The following NUGGC variants were observed in gnomAD, a reference collection of about 807,000 sequenced individuals.
NUGGC encodes the protein nuclear GTPase SLIP-GC.
Under a neutral mutation model 92.6 loss-of-function variants are expected in NUGGC, and 58 were observed. The observed-to-expected ratio is 0.63, with a 90% CI of 0.51 to 0.78. The LOEUF is 0.78. Among genes scored for constraint, NUGGC ranks in the 30% least tolerant of loss-of-function variants. The pLI is 0.00. For missense variants in NUGGC, 925 were observed against 964.6 expected (o/e 0.96, Z 0.54); for synonymous variants, 376 against 366.4 (o/e 1.03, Z -0.30).
chr8:28,027,267 T>C (rs988436820), intron 17 of NUGGC, among the ~76,000 whole-genome samples: 3 of 152,206 alleles, frequency 2.0e-5, no homozygotes, highest in Non-Finnish European at 4.4e-5. Flanking sequence ...GGCTCCCATC[T>C]GTACAGCATC....
chr8:28,025,943 T>G (rs1167323852), intron 18 of NUGGC, among the ~76,000 whole-genome samples: 1 of 152,218 alleles, frequency 6.6e-6, no homozygotes, highest in Non-Finnish European at 1.5e-5. Context: ...GTACTGCCAG[T>G]GTTCTATGTA....
chr8:28,067,941 C>A (rs185452546), intron 5 of NUGGC, among the ~76,000 whole-genome samples, 197 bp from the exon 6 acceptor site: 267 of 152,328 alleles, frequency 1.8e-3, no homozygotes, highest in African/African-American at 6.2e-3. Context: ...TAGACCCCCT[C>A]CCCAGCTCAC....
intron 8 of NUGGC, among the ~76,000 whole-genome samples, chr8:28,059,210 T>C (rs1810229190): frequency 6.6e-6 from 1 of 152,146 alleles, no homozygotes; most frequent in Non-Finnish European, 1.5e-5. Flanking sequence ...AAAGGAGCTC[T>C]TGTTGGAGGT....
At chr8:28,028,650 G>A (rs1485730234) in intron 17 of NUGGC, among the ~76,000 whole-genome samples, 1 of 152,170 alleles carries the variant, frequency 6.6e-6, no homozygotes, top group Non-Finnish European at 1.5e-5. Flanking sequence ...ATGAGGCCCA[G>A]AGCAGAGGCA....
chr8:28,059,848 C>T (rs1186265697), intron 8 of NUGGC, among the ~76,000 whole-genome samples: 1 of 152,010 alleles, frequency 6.6e-6, no homozygotes, highest in African/African-American at 2.4e-5. Flanking sequence ...ATGGCGAAAC[C>T]CCATCTCTAC....
chr8:28,031,521 GC>G, intron 14 of NUGGC, 140 bp from the exon 15 acceptor site: 1 of 802,862 alleles, frequency 1.2e-6, no homozygotes, highest in Non-Finnish European at 2.0e-6. Context: ...CCTATAATGT[GC>G]CAGGCACTGT....
intron 3 of NUGGC, 188 bp downstream of exon 3, chr8:28,070,064 C>G (rs1386898957): frequency 1.0e-6 from 1 of 978,632 alleles, no homozygotes; most frequent in African/African-American, 1.8e-5. Context: ...AACCCTCCTG[C>G]CCACAGATGC....
rs368713059 is a variant in NUGGC at position 28,031,278 on chromosome 8, A to G, written c.1873T>C (p.Tyr625His). ...TEIGIRSGWK[Y>H]DSCKKNFLIQ... ...AGGAAATTTTTTTTGCAGCTATCAT[A>G]TTTCCAGCCACTTCTTATCCCAATT... is the stretch of plus-strand genomic sequence containing the variant. Residue 625 changes from tyrosine (Y) to histidine (H), a missense_variant, in exon 15 of 19, where the codon TAT (tyrosine) becomes CAT (histidine). Coordinates refer to ENST00000413272, the MANE Select transcript of NUGGC (RefSeq NM_001010906.2). The G allele has an allele frequency of 3.7e-6, 6 of 1,614,008 alleles. No individual in the cohort carries two copies. Among genetic ancestry groups the G allele is most frequent in the Non-Finnish European group, 5.1e-6 (6 of 1,179,882 alleles).
chr8:28,041,265 C>A (rs1160035441), intron 12 of NUGGC, 50 bp from the exon 13 acceptor site: 6 of 1,545,916 alleles, frequency 3.9e-6, no homozygotes, highest in Middle Eastern at 1.7e-4. Context: ...CCTAAGGGCA[C>A]CTTCTCCTGA....
chr8:28,027,570 C>T (rs1462026057), intron 17 of NUGGC, among the ~76,000 whole-genome samples: 2 of 152,212 alleles, frequency 1.3e-5, no homozygotes, highest in African/African-American at 2.4e-5. Flanking sequence ...TCAACTAAAA[C>T]CCCTTTCTTC....
chr8:28,032,920 G>C (rs952071113), intron 14 of NUGGC, among the ~76,000 whole-genome samples: 2 of 152,118 alleles, frequency 1.3e-5, no homozygotes, highest in African/African-American at 4.8e-5. Flanking sequence ...AGCACTTTGG[G>C]AGGACGATGG....
intron 9 of NUGGC, 54 bp downstream of exon 9, chr8:28,058,204 A>C: frequency 3.1e-6 from 1 of 323,604 alleles, no homozygotes. Context: ...AAAAATAAAA[A>C]ATAAATAGAT....
chr8:28,077,964 G>A (rs780293981), intron 1 of NUGGC, among the ~76,000 whole-genome samples: 1 of 152,178 alleles, frequency 6.6e-6, no homozygotes, highest in Non-Finnish European at 1.5e-5. Context: ...TCTGGAATAC[G>A]GGTAGTAGTT....
intron 14 of NUGGC, 33 bp downstream of exon 14, chr8:28,033,507 G>T: frequency 1.3e-6 from 2 of 1,597,848 alleles, no homozygotes; most frequent in Admixed American, 1.7e-5. Flanking sequence ...TCCGATGTTT[G>T]TTCCCGAAGG....
chr8:28,024,488 A>G (rs1407105329), intron 18 of NUGGC, among the ~76,000 whole-genome samples: 1 of 151,972 alleles, frequency 6.6e-6, no homozygotes, highest in East Asian at 1.9e-4. Context: ...AGCCTCCACC[A>G]TCGTGTGGGC....
Position 28,027,053 on chromosome 8 carries a change from C to A in NUGGC, c.2155-1G>T, listed in dbSNP as rs755661057. On this transcript the variant is annotated splice_acceptor_variant, in intron 17 of 18. Transcript: ENST00000413272. LOFTEE classifies it high-confidence loss of function. ...CCTTCACCTTCTCCACGATTCCAGT[C>A]TATGCAACAAGGACATTCAGTCTGT... is the stretch of plus-strand genomic sequence containing the variant. 6.2e-7 allele frequency: 1 copy of A among 1,610,330 alleles called. No individual in the cohort carries two copies. The highest frequency in any genetic ancestry group is 1.1e-5 in the South Asian group (1 of 90,990).
At chr8:28,048,138 T>C (rs1809888507) in intron 10 of NUGGC, among the ~76,000 whole-genome samples, 1 of 152,192 alleles carries the variant, frequency 6.6e-6, no homozygotes, top group African/African-American at 2.4e-5. Flanking sequence ...TGATCCCTAA[T>C]CTTCAACCAA....
At chr8:28,054,010 A>G (rs1810071138) in intron 10 of NUGGC, among the ~76,000 whole-genome samples, 1 of 152,266 alleles carries the variant, frequency 6.6e-6, no homozygotes, top group South Asian at 2.1e-4. Flanking sequence ...GGCAAAATAC[A>G]GAAAGAAATT....
chr8:28,039,385 C>T (rs971223036), intron 13 of NUGGC, among the ~76,000 whole-genome samples: 1 of 152,070 alleles, frequency 6.6e-6, no homozygotes, highest in Non-Finnish European at 1.5e-5. Flanking sequence ...GGTGTCACCA[C>T]CACACCCGAC....
Sources: allele counts gnomAD v4.1 joint callset (sites outside exome capture counted in the v4.1 genomes callset), GRCh38; gene constraint gnomAD v4.1.1; transcripts MANE v1.5; gene names NCBI Gene and HGNC (gene_info 2026-07-23, HGNC 2026-07-21).